The following ATP7B variants were observed in gnomAD, a reference collection of about 807,000 sequenced individuals.
ATP7B encodes ATPase copper transporting beta.
In ATP7B, 113 loss-of-function variants were observed where a neutral mutation model predicts 118.9. The observed-to-expected ratio is 0.95, with a 90% CI of 0.82 to 1.11. The LOEUF (loss-of-function observed/expected upper bound fraction) is 1.11, where lower values mean the gene tolerates loss of function less well. Among genes scored for constraint, ATP7B ranks in the 50% most tolerant of loss-of-function variants. The probability of loss-of-function intolerance (pLI) is 0.00; values close to 1 mark genes in which losing one functional copy is unlikely to be tolerated. For missense variants in ATP7B, 1,867 were observed against 1,871.4 expected (o/e 1.00, Z 0.04); for synonymous variants, 777 against 727.4 (o/e 1.07, Z -1.10).
intron 1 of ATP7B, among the ~76,000 whole-genome samples, chr13:51,997,101 T>C (rs1953248222): frequency 6.6e-6 from 1 of 152,200 alleles, no homozygotes; most frequent in South Asian, 2.1e-4. Flanking sequence ...TTCTAGTGAT[T>C]CTTCAGGTCT....
At chr13:51,958,196 C>CT in intron 8 of ATP7B, 115 bp downstream of exon 8, 1 of 1,255,656 alleles carries the variant, frequency 8.0e-7, no homozygotes, top group African/African-American at 1.5e-5. Context: ...TTTCCTATTT[C>CT]TTTAAGTCTG....
intron 1 of ATP7B, among the ~76,000 whole-genome samples, chr13:52,009,623 C>T (rs1403879545): frequency 6.6e-6 from 1 of 152,162 alleles, no homozygotes; most frequent in Non-Finnish European, 1.5e-5. Context: ...TGCCTTCTCT[C>T]CTATTAATCT....
At chr13:51,964,108 A>AACACACAC (rs17334263) in intron 5 of ATP7B, among the ~76,000 whole-genome samples, 179 of 145,744 alleles carry the variant, frequency 1.2e-3, no homozygotes, top group African/African-American at 3.9e-3. Context: ...TCTCTCTTTA[A>AACACACAC]ACACACACAC....
In ATP7B at chr13:51,974,682, T is replaced by C. The variant is rs757439450; in HGVS notation, c.538A>G (p.Asn180Asp). The part of the protein sequence containing the change: ...GVVRVKVSLS[N>D]QEAVITYQPY... ...TGATAAGTGATGACGGCCTCTTGGT[T>C]GCTGAGTGAGACTTTGACTCTCACT... The change falls in exon 2 of 21, where the codon AAC becomes GAC. Residue 180 changes from asparagine (N) to aspartate (D), a missense_variant. Physicochemically the swap from Asn to Asp is conservative, Grantham distance 23. Coordinates refer to ENST00000242839, the MANE Select transcript of ATP7B (RefSeq NM_000053.4). The C allele has an allele frequency of 6.2e-7, 1 of 1,611,368 alleles. No homozygotes were observed. The highest frequency in any genetic ancestry group is 8.5e-7 in the Non-Finnish European group (1 of 1,177,700).
At position 51,937,563 on chromosome 13, in the gene ATP7B, G is replaced by A. The variant is rs2138579304; in HGVS notation, c.3816C>T (p.Ser1272=). The A allele has an allele frequency of 2.5e-6, 4 of 1,614,234 alleles. No homozygotes were observed. Among genetic ancestry groups the A allele is most frequent in the Non-Finnish European group, 3.4e-6 (4 of 1,180,048 alleles). ...VAMVGDGVND[S]PALAQADMGV... is the part of the protein sequence containing the mutation. ...CCATGTCTGCCTGGGCCAAGGCCGG[G>A]GAGTCATTGACCCCATCCCCCACCA... Residue 1272 remains serine, a synonymous_variant, in exon 18 of 21, where the codon TCC becomes TCT. Coordinates refer to ENST00000242839, the MANE Select transcript of ATP7B (RefSeq NM_000053.4).
At chr13:52,009,629 A>C (rs1406938823) in intron 1 of ATP7B, among the ~76,000 whole-genome samples, 1 of 152,114 alleles carries the variant, frequency 6.6e-6, no homozygotes, top group Non-Finnish European at 1.5e-5. Context: ...CTCTCCTATT[A>C]ATCTGCCATT....
Position 51,950,115 on chromosome 13 carries a change from C to G in ATP7B, c.2622G>C (p.Ala874=), listed in dbSNP as rs896503662. 2.5e-6 allele frequency: 4 copies of G among 1,614,056 alleles called. No individual in the cohort carries two copies. The highest frequency in any genetic ancestry group is 2.7e-5 in the African/African-American group (2 of 74,900). The change falls in exon 11 of 21, where the codon GCG becomes GCC. Residue 874 remains alanine (A), a synonymous_variant. Transcript: ENST00000242839. ...CAGAGCCATGTGCATTTATAGACCC[C>G]GCAATTACAGTGCTTCCGGGTTTCT... The part of the protein sequence containing the change: ...VTKKPGSTVI[A]GSINAHGSVL...
At chr13:51,948,978 G>A (rs1163477184) in intron 12 of ATP7B, among the ~76,000 whole-genome samples, 1 of 152,128 alleles carries the variant, frequency 6.6e-6, no homozygotes, top group East Asian at 1.9e-4. Context: ...TCAGGAGTTC[G>A]AAGCCAGCCT....
intron 19 of ATP7B, among the ~76,000 whole-genome samples, chr13:51,936,129 G>C (rs903115911): frequency 2.6e-5 from 4 of 152,226 alleles, no homozygotes; most frequent in African/African-American, 9.6e-5. Context: ...CTCGCCTCCA[G>C]GGCTTCATGA....
At chr13:51,988,971 G>A (rs1346503277) in intron 1 of ATP7B, among the ~76,000 whole-genome samples, 1 of 151,914 alleles carries the variant, frequency 6.6e-6, no homozygotes, top group Non-Finnish European at 1.5e-5. Context: ...CGGTTTGATG[G>A]GTGCAGCAAA....
chr13:51,965,876 C>T (rs74087027), intron 4 of ATP7B, among the ~76,000 whole-genome samples: 2,416 of 152,174 alleles, frequency 0.016, 77 homozygotes, highest in African/African-American at 0.055. Context: ...TGCTGAAATT[C>T]GCATCAGTGA....
At position 51,994,962 on chromosome 13, in the gene ATP7B, C is replaced by G. The variant is rs191114019; in HGVS notation, c.51+16325G>C. Among the ~76,000 whole-genome samples the G allele has an allele frequency of 2.7e-4, 41 of 152,224 alleles. No individual in the cohort carries two copies. The East Asian group carries it at 5.2e-3, about 19-fold the overall frequency. ...TAAGAAAAGGAACTTCATTTTGCAG[C>G]ATTTTCAAAATGTTTAGTTAAAATG... On this transcript the variant is annotated intron_variant, in intron 1 of 20. Transcript: ENST00000242839.
intron 1 of ATP7B, among the ~76,000 whole-genome samples, chr13:51,977,566 G>A (rs1409095213): frequency 1.3e-5 from 2 of 151,978 alleles, no homozygotes; most frequent in Admixed American, 6.5e-5. Context: ...ACCTGCCTGA[G>A]GCTACTTTAC....
At position 51,958,443 on chromosome 13, in the gene ATP7B, A is replaced by AT. The variant is rs1180133690; in HGVS notation, c.2222dup (p.Tyr741Ter). The change falls in exon 8 of 21, where the codon TAT becomes TAAT. Residue 741 changes from tyrosine to a stop codon, truncating the protein, a stop_gained and frameshift_variant. Transcript: ENST00000242839. LOFTEE classifies it high-confidence loss of function. ...CCACCAGGATGACCAGAGAATAAAC[A>AT]TAAGCAATGCTTGTGGCCAGGACGA... is the stretch of plus-strand genomic sequence containing the variant. ...VLIVLATSIA[Y>*]VYSLVILVVA... 1 of 1,614,134 alleles carries AT rather than the reference A, an allele frequency of 6.2e-7. No homozygotes were observed. The highest frequency in any genetic ancestry group is 8.5e-7 in the Non-Finnish European group (1 of 1,180,058).
Position 51,935,692 on chromosome 13 carries a change from A to T in ATP7B, c.4025T>A (p.Val1342Asp), listed in dbSNP as rs755640183. The stretch of plus-strand genomic sequence containing the variant: ...CAGCACAATGCCGATGGGCATGAAG[A>T]CACCTGGGGAAGAAAGAACTCGCAC... ...NLVGIPIAAG[V>D]FMPIGIVLQP... The change falls in exon 20 of 21, where the codon GTC (valine) becomes GAC (aspartate). Residue 1342 changes from valine to aspartate, a missense_variant. Val to Asp is a radical substitution (Grantham distance 152). Transcript: ENST00000242839. The T allele has an allele frequency of 1.2e-6, 2 of 1,611,668 alleles. No individual in the cohort carries two copies.
intron 2 of ATP7B, among the ~76,000 whole-genome samples, chr13:51,973,469 T>C (rs1227689076): frequency 2.6e-5 from 4 of 152,188 alleles, no homozygotes; most frequent in African/African-American, 9.7e-5. Context: ...CATGGATTAA[T>C]GGGTTATCAC....
chr13:51,967,125 T>G, intron 4 of ATP7B: 6 of 1,592,506 alleles, frequency 3.8e-6, no homozygotes, highest in Middle Eastern at 2.2e-4. Flanking sequence ...TCACCTGTAC[T>G]CGGATCTATG....
intron 1 of ATP7B, among the ~76,000 whole-genome samples, chr13:51,986,853 C>A (rs1048468324): frequency 1.3e-5 from 2 of 152,156 alleles, no homozygotes; most frequent in Admixed American, 1.3e-4. Context: ...AGAAGACCTT[C>A]GAAAAAATTC....
intron 1 of ATP7B, among the ~76,000 whole-genome samples, chr13:52,008,296 C>T (rs1450537207): frequency 2.0e-5 from 3 of 152,188 alleles, no homozygotes; most frequent in Non-Finnish European, 2.9e-5. Flanking sequence ...ACCGAGATCC[C>T]GCCACTGCAC....
Sources: gnomAD v4.1 joint callset for allele counts (sites outside exome capture counted in the v4.1 genomes callset) on GRCh38, gnomAD v4.1.1 for gene constraint, MANE v1.5 for transcripts, NCBI Gene and HGNC (gene_info 2026-07-23, HGNC 2026-07-21) for gene names.